The following LRRC74B variants were observed in gnomAD, a reference collection of about 807,000 sequenced individuals.
The protein encoded by LRRC74B is leucine rich repeat containing 74B, also known as leucine-rich repeat-containing protein 74B.
LRRC74B carries 30 observed loss-of-function variants against 16.6 expected under a neutral mutation model. That is an observed-to-expected ratio of 1.80 (90% confidence interval 1.35 to 2.45). The LOEUF (loss-of-function observed/expected upper bound fraction) is 2.45. Among genes scored for constraint, LRRC74B ranks in the 30% most tolerant of loss-of-function variants. LRRC74B has a pLI of 0.00. For missense variants in LRRC74B, 326 were observed against 202.4 expected (o/e 1.61, Z -3.71); for synonymous variants, 134 against 86.0 (o/e 1.56, Z -3.09).
intron 8 of LRRC74B, among the ~76,000 whole-genome samples, chr22:21,060,099 G>A (rs1930735634): frequency 6.6e-6 from 1 of 152,146 alleles, no homozygotes. Context: ...GAGTCCAGGA[G>A]CTCAGGGATG....
downstream of LRRC74B, chr22:21,062,677 C>T (rs1035045042): frequency 2.9e-5 from 4 of 138,884 alleles, no homozygotes; most frequent in African/African-American, 1.1e-4. Flanking sequence ...CACTTCACTG[C>T]ACTCCAGTCT....
intron 5 of LRRC74B, 127 bp downstream of exon 5, chr22:21,052,485 G>A (rs917556632): frequency 1.6e-6 from 1 of 627,828 alleles, no homozygotes; most frequent in African/African-American, 1.8e-5. Context: ...CTTAAAGACT[G>A]TTTCTTTAGG....
chr22:21,055,071 T>G, intron 6 of LRRC74B, 27 bp from the exon 7 acceptor site: 2 of 716,058 alleles, frequency 2.8e-6, no homozygotes, highest in Non-Finnish European at 5.2e-6. Context: ...GGTTGCACAA[T>G]GCATGTGCCT....
intron 1 of LRRC74B, 136 bp downstream of exon 1, chr22:21,046,261 C>T (rs1403940352): frequency 8.2e-6 from 5 of 610,094 alleles, no homozygotes; most frequent in African/African-American, 1.9e-5. Context: ...CCTGCCTTCC[C>T]TTCATTGCTC....
At chr22:21,047,797 G>A in intron 2 of LRRC74B, 87 bp from the exon 3 acceptor site, 1 of 683,796 alleles carries the variant, frequency 1.5e-6, no homozygotes, top group Non-Finnish European at 2.7e-6. Flanking sequence ...GGAAGGGGAG[G>A]GCTTTCCAGC....
chr22:21,053,607 T>G, intron 6 of LRRC74B, 132 bp downstream of exon 6: 1 of 598,564 alleles, frequency 1.7e-6, no homozygotes, highest in Non-Finnish European at 3.0e-6. Context: ...TCTGTCATCC[T>G]TATCACTGGA....
rs185514265 is a variant in LRRC74B at position 21,054,968 on chromosome 22, G to A, written c.849-130G>A. The A allele has an allele frequency of 7.8e-6, 5 of 644,186 alleles. No homozygotes were observed. The East Asian group carries it at 8.2e-5, about 11-fold the overall frequency. The allele number at this position is 644,186 out of a possible 1,614,324, so 39.9% of individuals were successfully genotyped here. On this transcript the variant is annotated intron_variant, in intron 6 of 8. Coordinates refer to ENST00000442047, the Ensembl canonical transcript of LRRC74B. Reference sequence around the variant, plus strand: ...TTGATCTGTCCAGGGTTCCTGGGGTGTGAGTGGAGGGAACAAGAGACCCAA... The same window carrying A: ...TTGATCTGTCCAGGGTTCCTGGGGTATGAGTGGAGGGAACAAGAGACCCAA...
Position 21,047,340 on chromosome 22 carries a change from C to G in LRRC74B, c.140-16C>G, listed in dbSNP as rs1418232442. On this transcript the variant is annotated splice_polypyrimidine_tract_variant and intron_variant, in intron 1 of 8. Coordinates refer to ENST00000442047, the Ensembl canonical transcript of LRRC74B. ...AGCTGTGCAGGGTCCACATTCGTCC[C>G]CCTGTCTCCTGCCAGGCACCGATGG... The G allele has an allele frequency of 2.8e-6, 2 of 716,448 alleles. No individual in the cohort carries two copies. The highest frequency in any genetic ancestry group is 2.6e-6 in the Non-Finnish European group (1 of 384,666). The allele number at this position is 716,448 out of a possible 1,614,324, so 44.4% of individuals were successfully genotyped here.
At chr22:21,056,644 T>C in intron 7 of LRRC74B, 1 of 147,290 alleles carries the variant, frequency 6.8e-6, no homozygotes, top group Non-Finnish European at 1.4e-5. Flanking sequence ...ACACACACGG[T>C]ACTATTTTTC....
At chr22:21,056,009 C>T (rs893802907) in intron 7 of LRRC74B, among the ~76,000 whole-genome samples, 1 of 152,160 alleles carries the variant, frequency 6.6e-6, no homozygotes, top group African/African-American at 2.4e-5. Context: ...CCCTTTTCCA[C>T]ACCCTCCCTC....
At chr22:21,056,470 C>G (rs989079234) in intron 7 of LRRC74B, 12 of 151,928 alleles carry the variant, frequency 7.9e-5, no homozygotes, top group African/African-American at 2.7e-4. Context: ...CCACTGCACT[C>G]CAGTCTGGAT....
chr22:21,056,967 T>A (rs1930568007), intron 7 of LRRC74B, 138 bp from the exon 8 acceptor site: 1 of 613,232 alleles, frequency 1.6e-6, no homozygotes, highest in Non-Finnish European at 2.9e-6. Context: ...GACTATCTGA[T>A]GGAGACACCT....
chr22:21,059,007 C>T (rs1171192561), intron 8 of LRRC74B, among the ~76,000 whole-genome samples: 3 of 152,202 alleles, frequency 2.0e-5, no homozygotes, highest in East Asian at 1.9e-4. Flanking sequence ...AACCCCAGGA[C>T]CTCGGGAGGC....
At chr22:21,049,955 C>T (rs1371020270) in intron 4 of LRRC74B, among the ~76,000 whole-genome samples, 10 of 152,180 alleles carry the variant, frequency 6.6e-5, no homozygotes, top group Non-Finnish European at 1.5e-4. Flanking sequence ...CATGCAGATG[C>T]TGACCCTGGA....
rs548159391 is a variant in LRRC74B at position 21,060,302 on chromosome 22, G to A, written c.1024-71G>A. On this transcript the variant is annotated intron_variant, in intron 8 of 8. Coordinates refer to ENST00000442047, the Ensembl canonical transcript of LRRC74B. ...CGAAGGAGCTTCTCTGAGACCTTGC[G>A]TGTGTGAGTGAAAAATGGTGAAGTT... 3.8e-3 allele frequency: 2,444 copies of A among 636,984 alleles called. 35 individuals are homozygous for A. The highest frequency in any genetic ancestry group is 0.012 in the East Asian group (428 of 36,420). 39.5% of individuals were successfully genotyped at this position (636,984 alleles called of 1,614,324 possible). A position where few individuals can be genotyped will look rare whatever the true frequency, so the allele number is the denominator to read the frequency against.
intron 5 of LRRC74B, 78 bp from the exon 6 acceptor site, chr22:21,053,282 C>T (rs1026878019): frequency 1.5e-6 from 1 of 678,858 alleles, no homozygotes; most frequent in African/African-American, 1.8e-5. Flanking sequence ...CTCAGGGCTC[C>T]TGGTCTCTGA....
At chr22:21,058,740 A>C (rs1277766769) in intron 8 of LRRC74B, among the ~76,000 whole-genome samples, 2 of 152,146 alleles carry the variant, frequency 1.3e-5, no homozygotes, top group Non-Finnish European at 2.9e-5. Flanking sequence ...TCCTGTCAGC[A>C]CTGGATCTGT....
At chr22:21,048,096 C>T in intron 3 of LRRC74B, 80 bp downstream of exon 3, 3 of 705,310 alleles carry the variant, frequency 4.3e-6, no homozygotes, top group Non-Finnish European at 5.3e-6. Context: ...GAAAGCTGGG[C>T]CGTGTCACCT....
intron 6 of LRRC74B, among the ~76,000 whole-genome samples, chr22:21,054,158 T>A (rs1000419704): frequency 2.0e-5 from 3 of 152,194 alleles, no homozygotes; most frequent in Non-Finnish European, 4.4e-5. Context: ...TGACTCCATC[T>A]CTATGCGAAA....
Sources: allele counts gnomAD v4.1 joint callset (sites outside exome capture counted in the v4.1 genomes callset), GRCh38; gene constraint gnomAD v4.1.1; transcripts MANE v1.5; gene names NCBI Gene and HGNC (gene_info 2026-07-23, HGNC 2026-07-21).